The following FGGY variants were observed in gnomAD, a reference collection of about 807,000 sequenced individuals.
The protein encoded by FGGY is FGGY carbohydrate kinase domain containing, also known as FGGY carbohydrate kinase domain-containing protein.
A neutral mutation model predicts 71.3 loss-of-function variants in FGGY; 72 were observed. That is an observed-to-expected ratio of 1.01 (90% CI 0.84 to 1.23). FGGY has a LOEUF of 1.23. FGGY is among the 50% of genes most tolerant of loss of function. The pLI is 0.00. For missense variants in FGGY, 668 were observed against 682.3 expected, an observed-to-expected ratio of 0.98 and a Z score of 0.23; for synonymous variants, 251 against 250.3, an observed-to-expected ratio of 1.00 and a Z score of -0.02.
chr1:59,368,546 A>T (rs2056966217), intron 4 of FGGY, among the ~76,000 whole-genome samples: 1 of 152,236 alleles, frequency 6.6e-6, no homozygotes, highest in Admixed American at 6.5e-5. Flanking sequence ...AGATTAAATG[A>T]GAACACTGTT....
chr1:59,658,040 TTG>T (rs756685624), intron 11 of FGGY, among the ~76,000 whole-genome samples: 2 of 152,150 alleles, frequency 1.3e-5, no homozygotes, highest in African/African-American at 2.4e-5. Context: ...AAGCATTGAA[TTG>T]TCACTGGTTC....
At chr1:59,617,123 C>A (rs1327540297) in intron 9 of FGGY, among the ~76,000 whole-genome samples, 1 of 152,050 alleles carries the variant, frequency 6.6e-6, no homozygotes, top group Non-Finnish European at 1.5e-5. Flanking sequence ...CTCTAATAAG[C>A]CACATCTGAA....
chr1:59,682,527 C>T (rs1019490044), intron 14 of FGGY, among the ~76,000 whole-genome samples: 15 of 152,196 alleles, frequency 9.9e-5, no homozygotes, highest in East Asian at 1.9e-4. Flanking sequence ...CCTGTAGAGG[C>T]GAGGGAAAAG....
intron 14 of FGGY, 117 bp from the exon 15 acceptor site, chr1:59,757,814 G>T: frequency 1.1e-5 from 7 of 624,798 alleles, no homozygotes; most frequent in Admixed American, 2.9e-5. Flanking sequence ...AAAAAAAGAG[G>T]ACTAACCAAA....
intron 4 of FGGY, among the ~76,000 whole-genome samples, chr1:59,374,598 T>C (rs1386320612): frequency 1.3e-5 from 2 of 152,036 alleles, no homozygotes; most frequent in Non-Finnish European, 2.9e-5. Context: ...TAAAGACACA[T>C]GCACACGTAT....
At position 59,578,664 on chromosome 1, in the gene FGGY, A is replaced by T. The variant is rs181306704; in HGVS notation, c.903+24437A>T. On this transcript the variant is annotated intron_variant, in intron 8 of 15. Transcript: ENST00000303721. Reference sequence around the variant, plus strand: ...TGTAGGAATACAGTGGATCCCCCTGAAATTTCATCCCAGGAATGAGGAAGA... The same window carrying T: ...TGTAGGAATACAGTGGATCCCCCTGTAATTTCATCCCAGGAATGAGGAAGA... 8.5e-5 allele frequency among the ~76,000 whole-genome samples: 13 copies of T among 152,192 alleles called. No homozygotes were observed. In the East Asian group the frequency reaches 2.5e-3, roughly 29 times the overall value.
intron 1 of FGGY, among the ~76,000 whole-genome samples, chr1:59,301,696 T>TGTGATC (rs956423618): frequency 2.0e-5 from 3 of 150,420 alleles, no homozygotes; most frequent in African/African-American, 7.3e-5. Flanking sequence ...CTATAACTGT[T>TGTGATC]GTGATCATTC....
intron 8 of FGGY, among the ~76,000 whole-genome samples, chr1:59,606,777 C>G (rs753851465): frequency 6.6e-6 from 1 of 152,184 alleles, no homozygotes; most frequent in Non-Finnish European, 1.5e-5. Context: ...ATCTAAATGG[C>G]GGCCTCTATC....
In FGGY at chr1:59,474,804, A is replaced by G. The variant is rs187838057; in HGVS notation, c.670+17728A>G. On this transcript the variant is annotated intron_variant, in intron 6 of 15. Coordinates refer to ENST00000303721, the MANE Select transcript of FGGY (RefSeq NM_018291.5). ...AGTTGCCTATGGTAATAGTTAAGAG[A>G]TTGGTCACCAGGGTCAGATGGACTT... 1.2e-3 allele frequency among the ~76,000 whole-genome samples: 181 copies of G among 152,340 alleles called. 1 individual carries two copies. Among genetic ancestry groups the G allele is most frequent in the Non-Finnish European group, 1.9e-3 (130 of 68,034 alleles).
chr1:59,460,319 C>T (rs1338379090), intron 6 of FGGY, among the ~76,000 whole-genome samples: 1 of 152,180 alleles, frequency 6.6e-6, no homozygotes, highest in South Asian at 2.1e-4. Flanking sequence ...AGTCCGAGAT[C>T]GAACTGCAAG....
At chr1:59,380,263 C>A (rs1222318176) in intron 5 of FGGY, among the ~76,000 whole-genome samples, 3 of 151,506 alleles carry the variant, frequency 2.0e-5, no homozygotes, top group Non-Finnish European at 1.5e-5. Context: ...CATACATGTG[C>A]ATGTGTCTTT....
In FGGY at chr1:59,338,979, A is replaced by G. The variant is rs561441230; in HGVS notation, c.202-979A>G. On this transcript the variant is annotated intron_variant, in intron 2 of 15. Transcript: ENST00000303721. ...CCCTACTCTGAAACTAAAATGCACCATAATTCAAAACTTTTTGAGTGGCAT... is the reference window on the plus strand; with the variant it reads ...CCCTACTCTGAAACTAAAATGCACCGTAATTCAAAACTTTTTGAGTGGCAT... Among the ~76,000 whole-genome samples the G allele has an allele frequency of 1.8e-4, 28 of 152,322 alleles. 2 individuals are homozygous for G. Among genetic ancestry groups the G allele is most frequent in the African/African-American group, 6.7e-4 (28 of 41,590 alleles).
At chr1:59,671,654 A>G (rs2097378605) in intron 13 of FGGY, among the ~76,000 whole-genome samples, 1 of 152,256 alleles carries the variant, frequency 6.6e-6, no homozygotes, top group Admixed American at 6.5e-5. Flanking sequence ...AAGAATAACA[A>G]CTAATGCTAA....
intron 4 of FGGY, among the ~76,000 whole-genome samples, chr1:59,360,127 GTTA>G (rs200166794): frequency 0.02 from 2,938 of 145,648 alleles, 48 homozygotes; most frequent in East Asian, 0.055. Flanking sequence ...TTCTATCATT[GTTA>G]TTATTATTAT....
chr1:59,483,158 G>A (rs970567183), intron 6 of FGGY, among the ~76,000 whole-genome samples: 3 of 152,236 alleles, frequency 2.0e-5, no homozygotes, highest in South Asian at 4.1e-4. Context: ...CTTCATTGGT[G>A]TGTGACCAAA....
At chr1:59,501,712 A>G (rs2094229899) in intron 6 of FGGY, among the ~76,000 whole-genome samples, 1 of 152,260 alleles carries the variant, frequency 6.6e-6, no homozygotes, top group African/African-American at 2.4e-5. Context: ...CTCTGAAGGC[A>G]TGCCGTGGAG....
At chr1:59,653,064 C>CGTGG (rs2097180738) in intron 11 of FGGY, among the ~76,000 whole-genome samples, 1 of 152,168 alleles carries the variant, frequency 6.6e-6, no homozygotes, top group South Asian at 2.1e-4. Context: ...TTAGGCTGCT[C>CGTGG]GTGGGTCAGG....
At chr1:59,668,606 C>A (rs922576263) in intron 13 of FGGY, among the ~76,000 whole-genome samples, 7 of 152,186 alleles carry the variant, frequency 4.6e-5, no homozygotes, top group Non-Finnish European at 1.0e-4. Flanking sequence ...GATCTTTGCA[C>A]ATCATGAGAT....
At chr1:59,339,667 G>A (rs917213158) in intron 2 of FGGY, among the ~76,000 whole-genome samples, 1 of 152,026 alleles carries the variant, frequency 6.6e-6, no homozygotes, top group African/African-American at 2.4e-5. Flanking sequence ...GTTTCACTGT[G>A]TTGGCCAGGC....
Sources: allele counts gnomAD v4.1 joint callset (sites outside exome capture counted in the v4.1 genomes callset), GRCh38; gene constraint gnomAD v4.1.1; transcripts MANE v1.5; gene names NCBI Gene and HGNC (gene_info 2026-07-23, HGNC 2026-07-21).